The following F13B variants were observed in gnomAD, a reference collection of about 807,000 sequenced individuals.
F13B encodes the protein TGase.
F13B carries 58 observed loss-of-function variants against 79.8 expected under a neutral mutation model. That is an observed-to-expected ratio of 0.73 (90% confidence interval 0.59 to 0.90). The LOEUF (loss-of-function observed/expected upper bound fraction) is 0.90. Among genes scored for constraint, F13B ranks in the 40% least tolerant of loss-of-function variants. The pLI, the probability that F13B is intolerant of heterozygous loss-of-function variation, is 0.00. For missense variants in F13B, 773 were observed against 777.0 expected, an observed-to-expected ratio of 0.99 and a Z score of 0.06; for synonymous variants, 283 against 260.3, an observed-to-expected ratio of 1.09 and a Z score of -0.84.
chr1:197,048,031 A>G (rs1468347883), intron 10 of F13B, among the ~76,000 whole-genome samples: 1 of 152,070 alleles, frequency 6.6e-6, no homozygotes, highest in East Asian at 1.9e-4. Flanking sequence ...GAAATACCTA[A>G]TGTAAATGAA....
chr1:197,047,701 T>G (rs561188793), intron 10 of F13B, among the ~76,000 whole-genome samples: 27 of 152,194 alleles, frequency 1.8e-4, no homozygotes, highest in Non-Finnish European at 3.8e-4. Flanking sequence ...GATATGTTTT[T>G]TGCAGAACTA....
chr1:197,065,968 T>C (rs1351435752), intron 1 of F13B, among the ~76,000 whole-genome samples: 1 of 149,084 alleles, frequency 6.7e-6, no homozygotes, highest in South Asian at 2.2e-4. Context: ...AAAAATAAAA[T>C]CATTGTCTTG....
intron 8 of F13B, among the ~76,000 whole-genome samples, chr1:197,053,486 T>C (rs922516678): frequency 1.3e-5 from 2 of 152,076 alleles, no homozygotes; most frequent in Non-Finnish European, 2.9e-5. Flanking sequence ...TGCCACCTTG[T>C]AAGACGTTCC....
chr1:197,060,467 T>C lies in F13B; in HGVS notation c.704A>G (p.Asp235Gly). 1.2e-6 allele frequency: 2 copies of C among 1,608,460 alleles called. No individual in the cohort carries two copies. Among genetic ancestry groups the C allele is most frequent in the Non-Finnish European group, 1.7e-6 (2 of 1,176,482 alleles). ...HPVKQTYEEG[D>G]VVQFFCHENY... ...TTCATGACAGAAAAACTGAACGACA[T>C]CTCCTTCTTCATAGGTTTGCTTTAC... The change falls in exon 5 of 12, where the codon GAT becomes GGT. Residue 235 changes from aspartate (D) to glycine (G), a missense_variant. Transcript: ENST00000367412.
Position 197,060,922 on chromosome 1 carries a change from C to G in F13B, c.605G>C (p.Trp202Ser). ...TEEVECLTYG[W>S]SLTPKCTKLK... ...ACTGGTACATTTTGGTGTGAGAGAC[C>G]ATCCGTATGTGAGACATTCTACCTC... Residue 202 changes from tryptophan to serine, a missense_variant, in exon 4 of 12, where the codon TGG becomes TCG. Trp to Ser is a radical substitution (Grantham distance 177). Coordinates refer to ENST00000367412, the MANE Select transcript of F13B (RefSeq NM_001994.3). The G allele has an allele frequency of 6.2e-7, 1 of 1,613,000 alleles. No homozygotes were observed. The highest frequency in any genetic ancestry group is 8.5e-7 in the Non-Finnish European group (1 of 1,179,394).
intron 5 of F13B, 34 bp from the exon 6 acceptor site, chr1:197,057,499 T>C (rs1558309880): frequency 1.3e-6 from 2 of 1,593,064 alleles, no homozygotes; most frequent in East Asian, 2.2e-5. Flanking sequence ...CCTTTAGTCA[T>C]ATAATTACAA....
rs534633822 is a variant in F13B, at chr1:197,060,468, C to T, written c.703G>A (p.Asp235Asn). 8 of 1,608,848 alleles carry T rather than the reference C, an allele frequency of 5.0e-6. No homozygotes were observed. In the Admixed American group the frequency reaches 1.3e-4, roughly 27 times the overall value. Reference sequence around the variant, plus strand: ...TCATGACAGAAAAACTGAACGACATCTCCTTCTTCATAGGTTTGCTTTACA... The same window carrying T: ...TCATGACAGAAAAACTGAACGACATTTCCTTCTTCATAGGTTTGCTTTACA... The part of the protein sequence containing the change: ...HPVKQTYEEG[D>N]VVQFFCHENY... The change falls in exon 5 of 12, where the codon GAT (aspartate) becomes AAT (asparagine). Residue 235 changes from aspartate to asparagine, a missense_variant. Physicochemically the swap from Asp to Asn is conservative, Grantham distance 23. Coordinates refer to ENST00000367412, the MANE Select transcript of F13B (RefSeq NM_001994.3).
At chr1:197,050,339 T>C (rs543242619) in intron 10 of F13B, among the ~76,000 whole-genome samples, 98 of 152,288 alleles carry the variant, frequency 6.4e-4, no homozygotes, top group Middle Eastern at 6.8e-3. Context: ...TGTCCATTTC[T>C]TTATTTCCGC....
intron 11 of F13B, 33 bp from the exon 12 acceptor site, chr1:197,039,444 G>A (rs1654956160): frequency 6.4e-7 from 1 of 1,574,684 alleles, no homozygotes; most frequent in African/African-American, 1.3e-5. Context: ...TTTGAAATAA[G>A]CATCAATTGC....
Position 197,060,487 on chromosome 1 carries a change from C to CT in F13B, c.683dup (p.Gln229AlafsTer4). The stretch of plus-strand genomic sequence containing the variant: ...CGACATCTCCTTCTTCATAGGTTTG[C>CT]TTTACAGGATGAAAATAACCATTTT... On this transcript the variant is annotated frameshift_variant, in exon 5 of 12. Transcript: ENST00000367412. LOFTEE classifies it high-confidence loss of function. The CT allele has an allele frequency of 6.2e-7, 1 of 1,606,674 alleles. No homozygotes were observed. The highest frequency in any genetic ancestry group is 8.5e-7 in the Non-Finnish European group (1 of 1,175,770).
intron 1 of F13B, among the ~76,000 whole-genome samples, chr1:197,063,708 T>A (rs1393494756): frequency 6.6e-6 from 1 of 152,182 alleles, no homozygotes; most frequent in Non-Finnish European, 1.5e-5. Context: ...TAAGGAACAA[T>A]TGAAGTTAGT....
Position 197,057,021 on chromosome 1 carries a change from T to A in F13B, c.1163A>T (p.Glu388Val), listed in dbSNP as rs5991. Residue 388 changes from glutamate to valine, a missense_variant, in exon 7 of 12, where the codon GAG (glutamate) becomes GTG (valine). Coordinates refer to ENST00000367412, the MANE Select transcript of F13B (RefSeq NM_001994.3). ...CNRGKWTLPPECVENNENCKH... is the reference protein window; with the variant it reads ...CNRGKWTLPPVCVENNENCKH... ...AAATGTAGCATACATACCAACACAC[T>A]CAGGAGGAAGTGTCCATTTTCCACG... The A allele has an allele frequency of 2.3e-3, 3,729 of 1,613,448 alleles. 9 individuals are homozygous for A. The highest frequency in any genetic ancestry group is 2.8e-3 in the Non-Finnish European group (3,346 of 1,179,804).
chr1:197,057,441 G>A lies in F13B; in HGVS notation c.830C>T (p.Pro277Leu). The A allele has an allele frequency of 1.9e-6, 3 of 1,613,728 alleles. No homozygotes were observed. The highest frequency in any genetic ancestry group is 2.5e-6 in the Non-Finnish European group (3 of 1,179,822). ...AATTTTGGAGTTTATGGGCAGAGGT[G>A]GAGGAGGACATCTGTTTCTTCTTCC... ...CEGRRNRCPP[P>L]PLPINSKIQT... Residue 277 changes from proline (P) to leucine (L), a missense_variant, in exon 6 of 12, where the codon CCA (proline) becomes CTA (leucine). By Grantham distance (98) the Pro-to-Leu change is moderately conservative (BLOSUM62 -3). Coordinates refer to ENST00000367412, the MANE Select transcript of F13B (RefSeq NM_001994.3).
In F13B at chr1:197,057,479, T is replaced by C. The variant is rs763956100; in HGVS notation, c.806-14A>G. The C allele has an allele frequency of 1.9e-6, 3 of 1,612,934 alleles. No individual in the cohort carries two copies. In the Admixed American group the frequency reaches 5.0e-5, roughly 27 times the overall value. On this transcript the variant is annotated splice_polypyrimidine_tract_variant and intron_variant, in intron 5 of 11. Transcript: ENST00000367412. ...TGTTTCTTCTTCCTTATGGAAAAAA[T>C]TAATCAGCACCTTTAGTCATATAAT...
intron 5 of F13B, among the ~76,000 whole-genome samples, chr1:197,058,545 A>G (rs1402485090): frequency 6.6e-6 from 1 of 151,846 alleles, no homozygotes; most frequent in African/African-American, 2.4e-5. Context: ...TTGGCTCACA[A>G]CCCCTTCCTC....
chr1:197,039,292 A>T lies in F13B; in HGVS notation c.*86T>A. The stretch of plus-strand genomic sequence containing the variant: ...ATATTTAAGCAAGGAAAAACTCCGA[A>T]GTTTTTAACTTATTTCCTCAAAATT... On this transcript the variant is annotated 3_prime_UTR_variant, in exon 12 of 12. Transcript: ENST00000367412. The T allele has an allele frequency of 8.5e-7, 1 of 1,173,662 alleles. No individual in the cohort carries two copies. The highest frequency in any genetic ancestry group is 1.3e-6 in the Non-Finnish European group (1 of 797,370). The allele number at this position is 1,173,662 out of a possible 1,614,324, so 72.7% of individuals were successfully genotyped here.
At position 197,047,261 on chromosome 1, in the gene F13B, T is replaced by C. The variant is rs565742416; in HGVS notation, c.1738+3436A>G. On this transcript the variant is annotated intron_variant, in intron 10 of 11. Coordinates refer to ENST00000367412, the MANE Select transcript of F13B (RefSeq NM_001994.3). The stretch of plus-strand genomic sequence containing the variant: ...GGAGAAAATTTTTGCAATCTATCCA[T>C]CTGACAAAGAGCTACCATCCAGAAT... Among the ~76,000 whole-genome samples, 5 of 152,244 alleles carry C rather than the reference T, an allele frequency of 3.3e-5. No homozygotes were observed. In the South Asian group the frequency reaches 1.0e-3, roughly 32 times the overall value.
Position 197,061,047 on chromosome 1 carries a change from A to G in F13B, c.480T>C (p.Asn160=), listed in dbSNP as rs750830311. The G allele has an allele frequency of 2.5e-6, 4 of 1,588,722 alleles. No individual in the cohort carries two copies. The highest frequency in any genetic ancestry group is 2.7e-5 in the African/African-American group (2 of 74,530). Residue 160 remains asparagine, a synonymous_variant, in exon 4 of 12, where the codon AAT becomes AAC. Coordinates refer to ENST00000367412, the MANE Select transcript of F13B (RefSeq NM_001994.3). Reference sequence around the variant, plus strand: ...TTTTCTGTGTTGTGGAATAATTTCCATTATATAATTCAGGAGCCAAACATG... The same window carrying G: ...TTTTCTGTGTTGTGGAATAATTTCCGTTATATAATTCAGGAGCCAAACATG... ...HETCLAPELY[N]GNYSTTQKTF...
intron 8 of F13B, among the ~76,000 whole-genome samples, chr1:197,054,403 A>G (rs978243619): frequency 6.6e-5 from 10 of 152,090 alleles, no homozygotes; most frequent in Admixed American, 3.3e-4. Context: ...GTGAATATGT[A>G]TCTGTATCTG....
Sources: allele counts gnomAD v4.1 joint callset (sites outside exome capture counted in the v4.1 genomes callset), GRCh38; gene constraint gnomAD v4.1.1; transcripts MANE v1.5; gene names NCBI Gene and HGNC (gene_info 2026-07-23, HGNC 2026-07-21).